The following ADGRL2 variants were observed in gnomAD, a reference collection of about 807,000 sequenced individuals.
ADGRL2 encodes calcium-independent alpha-latrotoxin receptor 2.
A neutral mutation model predicts 157.4 loss-of-function variants in ADGRL2; 44 were observed. That is an observed-to-expected ratio of 0.28 (90% CI 0.22 to 0.36). ADGRL2 has a LOEUF of 0.36. ADGRL2 is among the 10% of genes least tolerant of loss of function. The pLI, the probability that ADGRL2 is intolerant of heterozygous loss-of-function variation, is 1.00. For synonymous variants in ADGRL2, 585 were observed against 624.7 expected, an observed-to-expected ratio of 0.94 and a Z score of 0.95; for missense variants, 1,510 against 1,768.9, an observed-to-expected ratio of 0.85 and a Z score of 2.63.
intron 1 of ADGRL2, among the ~76,000 whole-genome samples, chr1:81,401,680 A>AT (rs2076758612): frequency 6.6e-6 from 1 of 152,056 alleles, no homozygotes; most frequent in Admixed American, 6.5e-5. Context: ...TTTCCAAGAA[A>AT]TTTTTTTCAG....
chr1:81,871,918 A>G (rs1247892036), intron 2 of ADGRL2, among the ~76,000 whole-genome samples: 2 of 152,178 alleles, frequency 1.3e-5, no homozygotes, highest in African/African-American at 4.8e-5. Flanking sequence ...TTTGCAGTGC[A>G]GAAGCTCTTT....
At chr1:81,801,629 C>T (rs1046129653) in intron 1 of ADGRL2, among the ~76,000 whole-genome samples, 3 of 152,200 alleles carry the variant, frequency 2.0e-5, no homozygotes, top group Non-Finnish European at 2.9e-5. Flanking sequence ...GCGGCCACCG[C>T]TCAGCCCCGG....
chr1:81,402,882 G>A (rs1430483713), intron 1 of ADGRL2, among the ~76,000 whole-genome samples: 6 of 152,174 alleles, frequency 3.9e-5, no homozygotes, highest in Non-Finnish European at 1.5e-5. Flanking sequence ...GGCAAACATC[G>A]ACTGTGCAGC....
intron 2 of ADGRL2, among the ~76,000 whole-genome samples, chr1:81,525,507 G>A (rs1342120029): frequency 1.3e-5 from 2 of 148,976 alleles, no homozygotes; most frequent in Admixed American, 6.6e-5. Flanking sequence ...TAGTAGAGAC[G>A]GGGTTTCACC....
At chr1:81,681,069 A>G (rs918156495) in intron 3 of ADGRL2, among the ~76,000 whole-genome samples, 4 of 152,248 alleles carry the variant, frequency 2.6e-5, no homozygotes, top group African/African-American at 4.8e-5. Context: ...CCTTTGGCCT[A>G]TAGAACAGAG....
intron 1 of ADGRL2, among the ~76,000 whole-genome samples, chr1:81,339,851 T>C (rs1397421933): frequency 2.0e-5 from 3 of 152,220 alleles, no homozygotes; most frequent in Non-Finnish European, 2.9e-5. Flanking sequence ...ACTTTTCTTC[T>C]GGTTTCAGCT....
intron 2 of ADGRL2, among the ~76,000 whole-genome samples, chr1:81,500,530 G>A (rs531980257): frequency 6.6e-6 from 1 of 152,282 alleles, no homozygotes; most frequent in East Asian, 1.9e-4. Context: ...GATATGCAAA[G>A]TGAAATAAGC....
intron 1 of ADGRL2, chr1:81,427,073 A>C (rs1312933829): frequency 1.4e-6 from 2 of 1,436,260 alleles, no homozygotes; most frequent in Admixed American, 1.7e-5. Context: ...ATAATTGTGA[A>C]GTGAAAAGGC....
At chr1:81,600,899 G>T (rs1020224809) in intron 3 of ADGRL2, among the ~76,000 whole-genome samples, 2 of 152,114 alleles carry the variant, frequency 1.3e-5, no homozygotes, top group African/African-American at 4.8e-5. Context: ...TTCTGGAAAG[G>T]CTTGGATCTA....
chr1:81,517,195 G>A (rs537831292), intron 2 of ADGRL2, among the ~76,000 whole-genome samples: 36 of 151,872 alleles, frequency 2.4e-4, no homozygotes, highest in Admixed American at 8.5e-4. Flanking sequence ...AAAACCGGCC[G>A]GGCACGGTGG....
chr1:81,873,266 T>A (rs527770565), intron 2 of ADGRL2, among the ~76,000 whole-genome samples: 5 of 152,160 alleles, frequency 3.3e-5, no homozygotes, highest in Admixed American at 6.6e-5. Context: ...ACTATTAGAG[T>A]GTTTAAATCT....
intron 1 of ADGRL2, among the ~76,000 whole-genome samples, chr1:81,832,037 A>G (rs1388871414): frequency 6.6e-6 from 1 of 152,164 alleles, no homozygotes; most frequent in East Asian, 1.9e-4. Context: ...ATCTTACAGT[A>G]TTTCAGACAA....
At chr1:81,586,749 G>T (rs1347505407) in intron 3 of ADGRL2, among the ~76,000 whole-genome samples, 1 of 151,938 alleles carries the variant, frequency 6.6e-6, no homozygotes, top group Non-Finnish European at 1.5e-5. Context: ...TATGAAGGAG[G>T]TGGGGATTTA....
intron 2 of ADGRL2, among the ~76,000 whole-genome samples, chr1:81,538,959 G>A (rs1278002780): frequency 7.2e-6 from 1 of 139,652 alleles, no homozygotes; most frequent in Non-Finnish European, 1.5e-5. Context: ...ACTGAGGTGA[G>A]ATCGCACCAT....
intron 2 of ADGRL2, among the ~76,000 whole-genome samples, chr1:81,527,711 C>T (rs926580207): frequency 7.1e-6 from 1 of 141,126 alleles, no homozygotes; most frequent in Non-Finnish European, 1.5e-5. Context: ...AACTCTGCCT[C>T]AAAAAAAAAA....
chr1:81,787,586 C>T (rs572979471), intron 2 of ADGRL2, among the ~76,000 whole-genome samples: 11 of 151,974 alleles, frequency 7.2e-5, no homozygotes, highest in African/African-American at 1.4e-4. Context: ...ACCTGGGAGG[C>T]GGAGGTTGCA....
chr1:81,464,553 C>A (rs1415937104), intron 2 of ADGRL2, among the ~76,000 whole-genome samples: 1 of 152,158 alleles, frequency 6.6e-6, no homozygotes, highest in African/African-American at 2.4e-5. Context: ...TGAATTCTTT[C>A]TCTGTTCTTC....
intron 2 of ADGRL2, among the ~76,000 whole-genome samples, chr1:81,507,788 T>C (rs2079005234): frequency 6.6e-6 from 1 of 152,212 alleles, no homozygotes; most frequent in Non-Finnish European, 1.5e-5. Flanking sequence ...AGGTAGAAAG[T>C]TTATGCTACC....
intron 1 of ADGRL2, among the ~76,000 whole-genome samples, chr1:81,380,462 A>G (rs906563550): frequency 2.6e-5 from 4 of 152,154 alleles, no homozygotes; most frequent in Admixed American, 2.6e-4. Flanking sequence ...CTAGCTATTT[A>G]CTTCTTTTTT....
Sources: gnomAD v4.1 joint callset for allele counts (sites outside exome capture counted in the v4.1 genomes callset) on GRCh38, gnomAD v4.1.1 for gene constraint, MANE v1.5 for transcripts, NCBI Gene and HGNC (gene_info 2026-07-23, HGNC 2026-07-21) for gene names.